The following TACC2 variants were observed in gnomAD, a reference collection of about 807,000 sequenced individuals.
The protein encoded by TACC2 is transforming acidic coiled-coil-containing protein 2.
A neutral mutation model predicts 227.3 loss-of-function variants in TACC2; 137 were observed. That is an observed-to-expected ratio of 0.60 (90% CI 0.52 to 0.69). The LOEUF (loss-of-function observed/expected upper bound fraction) is 0.69, where lower values mean the gene tolerates loss of function less well. Ranked by LOEUF, TACC2 falls within the 30% of genes least tolerant of loss-of-function variation. TACC2 has a pLI of 0.00. For synonymous variants in TACC2, 1,523 were observed against 1,487.5 expected (o/e 1.02, Z -0.55); for missense variants, 3,470 against 3,694.4 (o/e 0.94, Z 1.57).
At chr10:122,012,711 AT>A (rs1187260401) in intron 1 of TACC2, among the ~76,000 whole-genome samples, 1 of 126,522 alleles carries the variant, frequency 7.9e-6, no homozygotes, top group Non-Finnish European at 1.7e-5. Flanking sequence ...AGAAGTTGAA[AT>A]TATTAAAATT....
chr10:122,242,450 G>A (rs1201314371), intron 19 of TACC2, among the ~76,000 whole-genome samples: 1 of 152,152 alleles, frequency 6.6e-6, no homozygotes, highest in Non-Finnish European at 1.5e-5. Flanking sequence ...CGGCGTGATT[G>A]TCCGCCTCCT....
In TACC2 at chr10:122,085,245, T is replaced by C. The variant is rs1461510287; in HGVS notation, c.2745T>C (p.Thr915=). 4 of 1,613,936 alleles carry C rather than the reference T, an allele frequency of 2.5e-6. No homozygotes were observed. The highest frequency in any genetic ancestry group is 3.4e-6 in the Non-Finnish European group (4 of 1,180,040). Residue 915 remains threonine (T), a synonymous_variant, in exon 4 of 23, where the codon ACT becomes ACC. Coordinates refer to ENST00000369005, the MANE Select transcript of TACC2 (RefSeq NM_206862.4). ...LPKGTLSDTP[T]SSPTDMVWES... Reference sequence around the variant, plus strand: ...AAGGCACCCTGTCTGATACTCCAACTTCATCTCCCACTGACATGGTTTGGG... The same window carrying C: ...AAGGCACCCTGTCTGATACTCCAACCTCATCTCCCACTGACATGGTTTGGG...
chr10:121,992,234 C>A (rs1007038464), intron 1 of TACC2, among the ~76,000 whole-genome samples: 2 of 152,180 alleles, frequency 1.3e-5, no homozygotes, highest in African/African-American at 4.8e-5. Flanking sequence ...AGGCCCAGAA[C>A]AGCCCACCCT....
chr10:122,121,621 A>T (rs987839998), intron 5 of TACC2, among the ~76,000 whole-genome samples: 3 of 152,366 alleles, frequency 2.0e-5, no homozygotes, highest in African/African-American at 7.2e-5. Context: ...AAAATGTGAC[A>T]AGCGCTGCTT....
At chr10:122,076,132 C>T (rs1317445477) in intron 3 of TACC2, among the ~76,000 whole-genome samples, 1 of 152,050 alleles carries the variant, frequency 6.6e-6, no homozygotes, top group Non-Finnish European at 1.5e-5. Context: ...GCTGAGAAGT[C>T]CAAGGGCAAG....
chr10:122,162,706 T>C (rs1045965348), intron 7 of TACC2, among the ~76,000 whole-genome samples: 1 of 152,190 alleles, frequency 6.6e-6, no homozygotes, highest in African/African-American at 2.4e-5. Flanking sequence ...TGGCTGCTGA[T>C]GGGTGACATG....
chr10:122,096,123 C>A (rs1289220121), intron 5 of TACC2, among the ~76,000 whole-genome samples: 1 of 152,152 alleles, frequency 6.6e-6, no homozygotes, highest in South Asian at 2.1e-4. Context: ...AGTGGGGAGA[C>A]CAAGTGGTTG....
At chr10:122,155,019 G>T (rs1047556181) in intron 7 of TACC2, among the ~76,000 whole-genome samples, 2 of 152,242 alleles carry the variant, frequency 1.3e-5, no homozygotes, top group African/African-American at 2.4e-5. Flanking sequence ...GCGGGCAGGC[G>T]TGGGAAGAAA....
intron 2 of TACC2, among the ~76,000 whole-genome samples, chr10:122,047,288 CAAAAAAAA>C (rs371181114): frequency 1.6e-4 from 10 of 60,884 alleles, no homozygotes; most frequent in African/African-American, 6.3e-4. Flanking sequence ...GACTCCGTCT[CAAAAAAAA>C]AAAAAAAAAA....
chr10:122,219,680 T>G (rs1034058718), intron 11 of TACC2, among the ~76,000 whole-genome samples: 17 of 152,144 alleles, frequency 1.1e-4, no homozygotes, highest in African/African-American at 3.6e-4. Context: ...GCACCTATGG[T>G]GGGTTACATC....
chr10:122,090,246 G>A (rs2080602420), intron 5 of TACC2, among the ~76,000 whole-genome samples: 1 of 151,946 alleles, frequency 6.6e-6, no homozygotes, highest in Admixed American at 6.5e-5. Flanking sequence ...TGTGAGGTAT[G>A]GAAAAGTAGA....
intron 5 of TACC2, among the ~76,000 whole-genome samples, chr10:122,097,854 G>A (rs1024896462): frequency 6.6e-6 from 1 of 152,074 alleles, no homozygotes; most frequent in African/African-American, 2.4e-5. Context: ...TGAGCTGCAG[G>A]GGGGCTTCTG....
rs750786303 is a variant in TACC2 at position 122,084,466 on chromosome 10, G to A, written c.1966G>A (p.Ala656Thr). 9.3e-6 allele frequency: 15 copies of A among 1,613,004 alleles called. No individual in the cohort carries two copies. Among genetic ancestry groups the A allele is most frequent in the African/African-American group, 1.3e-5 (1 of 74,948 alleles). Residue 656 changes from alanine to threonine, a missense_variant, in exon 4 of 23, where the codon GCA becomes ACA. Transcript: ENST00000369005. Reference protein sequence around the residue: ...GPHSQTAEADASGLPHKLGEE... With the variant: ...GPHSQTAEADTSGLPHKLGEE... ...CCACTCTCAGACAGCAGAGGCTGATGCATCTGGCCTACCACACAAGCTGGG... is the reference window on the plus strand; with the variant it reads ...CCACTCTCAGACAGCAGAGGCTGATACATCTGGCCTACCACACAAGCTGGG...
At chr10:122,036,753 C>T (rs540062068) in intron 2 of TACC2, among the ~76,000 whole-genome samples, 46 of 152,192 alleles carry the variant, frequency 3.0e-4, no homozygotes, top group African/African-American at 9.6e-4. Flanking sequence ...TGGGTGTCCA[C>T]GTAAGTATCT....
chr10:121,991,597 A>G (rs926372963), intron 1 of TACC2, among the ~76,000 whole-genome samples: 10 of 152,356 alleles, frequency 6.6e-5, no homozygotes, highest in Admixed American at 1.3e-4. Context: ...TGAATGATAG[A>G]AACTGCACTC....
chr10:122,242,672 G>T (rs1191825199), intron 19 of TACC2, among the ~76,000 whole-genome samples: 1 of 151,958 alleles, frequency 6.6e-6, no homozygotes, highest in African/African-American at 2.4e-5. Flanking sequence ...TAAATAATGA[G>T]AAAAGATCTT....
chr10:122,086,460 G>A lies in TACC2; in HGVS notation c.3960G>A (p.Glu1320=). 1 of 1,613,874 alleles carries A rather than the reference G, an allele frequency of 6.2e-7. No homozygotes were observed. Among genetic ancestry groups the A allele is most frequent in the Middle Eastern group, 1.6e-4 (1 of 6,062 alleles). Residue 1320 remains glutamate, a synonymous_variant, in exon 4 of 23, where the codon GAG becomes GAA. Transcript: ENST00000369005. ...SSGSPKARTT[E]GPVDSMPCLD... ...GTAGTCCCAAAGCCAGAACCACTGAGGGACCAGTGGACTCCATGCCATGCC... is the reference window on the plus strand; with the variant it reads ...GTAGTCCCAAAGCCAGAACCACTGAAGGACCAGTGGACTCCATGCCATGCC...
At chr10:122,237,055 T>G (rs1254565597) in intron 16 of TACC2, among the ~76,000 whole-genome samples, 2 of 152,202 alleles carry the variant, frequency 1.3e-5, no homozygotes, top group South Asian at 4.1e-4. Context: ...GGCTGCTGAA[T>G]AGTGCCCTGG....
chr10:122,149,032 G>T (rs994217987), intron 7 of TACC2, among the ~76,000 whole-genome samples: 8 of 152,240 alleles, frequency 5.3e-5, no homozygotes, highest in Non-Finnish European at 8.8e-5. Flanking sequence ...TTCCAGAGCT[G>T]TCAGCTCTTT....
Sources: allele counts gnomAD v4.1 joint callset (sites outside exome capture counted in the v4.1 genomes callset), GRCh38; gene constraint gnomAD v4.1.1; transcripts MANE v1.5; gene names NCBI Gene and HGNC (gene_info 2026-07-23, HGNC 2026-07-21).